The following MCOLN2 variants were observed in gnomAD, a reference collection of about 807,000 sequenced individuals.
The protein encoded by MCOLN2 is mucolipin-2.
Under a neutral mutation model 67.5 loss-of-function variants are expected in MCOLN2, and 57 were observed. The observed-to-expected ratio is 0.84, with a 90% CI of 0.68 to 1.05. MCOLN2 has a LOEUF of 1.05. Among genes scored for constraint, MCOLN2 ranks in the 50% least tolerant of loss-of-function variants. MCOLN2 has a pLI of 0.00. For synonymous variants in MCOLN2, 246 were observed against 233.3 expected (o/e 1.05, Z -0.50); for missense variants, 620 against 678.8 (o/e 0.91, Z 0.96).
chr1:84,994,180 T>C (rs1651036034), intron 1 of MCOLN2, among the ~76,000 whole-genome samples: 1 of 152,204 alleles, frequency 6.6e-6, no homozygotes, highest in African/African-American at 2.4e-5. Context: ...ATCTAGGCTT[T>C]GTTGTTCCAT....
At chr1:84,983,729 T>C (rs1400701322) in intron 1 of MCOLN2, among the ~76,000 whole-genome samples, 2 of 148,786 alleles carry the variant, frequency 1.3e-5, no homozygotes, top group Non-Finnish European at 3.0e-5. Flanking sequence ...CAGGCTGGAG[T>C]GCAATGGTGC....
At chr1:84,996,033 G>A (rs1484040087) in intron 1 of MCOLN2, among the ~76,000 whole-genome samples, 1 of 152,042 alleles carries the variant, frequency 6.6e-6, no homozygotes, top group Non-Finnish European at 1.5e-5. Flanking sequence ...TCACGGCAAC[G>A]GGAGTTTGAC....
intron 1 of MCOLN2, among the ~76,000 whole-genome samples, chr1:84,987,545 G>GATGTATACATCT (rs1557665862): frequency 1.3e-4 from 2 of 15,448 alleles, no homozygotes; most frequent in Non-Finnish European, 2.5e-4. Flanking sequence ...TGTATACATA[G>GATGTATACATCT]ATGTATACAT....
At chr1:84,995,792 T>G (rs1651111997) in intron 1 of MCOLN2, among the ~76,000 whole-genome samples, 1 of 137,886 alleles carries the variant, frequency 7.3e-6, no homozygotes, top group Non-Finnish European at 1.6e-5. Context: ...TTTATATCTA[T>G]TACTCTATTT....
intron 1 of MCOLN2, among the ~76,000 whole-genome samples, chr1:84,985,120 T>A (rs1470233492): frequency 2.0e-5 from 3 of 152,026 alleles, no homozygotes; most frequent in Non-Finnish European, 4.4e-5. Context: ...AGTAAAGCCA[T>A]CTGATGGAAC....
At chr1:84,965,511 G>A (rs114689900) in intron 2 of MCOLN2, 38 bp downstream of exon 2, 126 of 1,599,224 alleles carry the variant, frequency 7.9e-5, no homozygotes, top group Non-Finnish European at 1.0e-4. Context: ...TTGTCTTGTG[G>A]TAAGGGAAAA....
At position 84,996,393 on chromosome 1, in the gene MCOLN2, CATATATATATAT is replaced by C. The variant is rs6143310; in HGVS notation, c.77+391_77+402del. On this transcript the variant is annotated intron_variant, in intron 1 of 13. Transcript: ENST00000370608. ...CACACTTACACATACGTATATATTT[CATATATATATAT>C]ATATATATATATATATATATATATA... is the stretch of plus-strand genomic sequence containing the variant. 3.5e-3 allele frequency among the ~76,000 whole-genome samples: 434 copies of C among 123,934 alleles called. 7 individuals carry two copies. The highest frequency in any genetic ancestry group is 0.012 in the African/African-American group (350 of 28,914). 81.3% of individuals were successfully genotyped at this position (123,934 alleles called of 152,430 possible).
intron 2 of MCOLN2, 29 bp downstream of exon 2, chr1:84,965,520 A>G: frequency 6.2e-7 from 1 of 1,605,328 alleles, no homozygotes; most frequent in South Asian, 1.1e-5. Flanking sequence ...GGTAAGGGAA[A>G]AACCAAATGA....
chr1:84,987,391 T>C (rs1479789958), intron 1 of MCOLN2, among the ~76,000 whole-genome samples: 1 of 140,386 alleles, frequency 7.1e-6, no homozygotes, highest in Non-Finnish European at 1.5e-5. Context: ...GATATATACA[T>C]ATGTATATAG....
chr1:84,947,280 T>C (rs1648165411), intron 6 of MCOLN2, 148 bp from the exon 7 acceptor site: 4 of 594,064 alleles, frequency 6.7e-6, no homozygotes, highest in Non-Finnish European at 1.2e-5. Flanking sequence ...CTAGAATTAC[T>C]TGACACTCAT....
Position 84,952,263 on chromosome 1 carries a change from A to G in MCOLN2, c.727T>C (p.Cys243Arg). The change falls in exon 6 of 14, where the codon TGT (cysteine) becomes CGT (arginine). Residue 243 changes from cysteine to arginine, a missense_variant. Physicochemically the swap from Cys to Arg is radical, Grantham distance 180. Coordinates refer to ENST00000370608, the MANE Select transcript of MCOLN2 (RefSeq NM_153259.4). ...CTTGCCGTATTCTGAAAGACATAAC[A>G]GTCTGGTAACTCACGGGAATGAATT... ...QTIHSRELPD[C>R]YVFQNTIIFD... 1 of 1,611,828 alleles carries G rather than the reference A, an allele frequency of 6.2e-7. No homozygotes were observed. Among genetic ancestry groups the G allele is most frequent in the Non-Finnish European group, 8.5e-7 (1 of 1,178,774 alleles).
In MCOLN2 at chr1:84,931,367, T is replaced by C. The variant is rs138932938; in HGVS notation, c.1537A>G (p.Ile513Val). The change falls in exon 12 of 14, where the codon ATT (isoleucine) becomes GTT (valine). Residue 513 changes from isoleucine (I) to valine (V), a missense_variant. Transcript: ENST00000370608. ...AAATTTTGATAATTACTTACCTTAATGGTGTCATAAGAATCTGTAATAAGT... is the reference window on the plus strand; with the variant it reads ...AAATTTTGATAATTACTTACCTTAACGGTGTCATAAGAATCTGTAATAAGT... Reference protein sequence around the residue: ...IALITDSYDTIKKFQQNGFPE... With the variant: ...IALITDSYDTVKKFQQNGFPE... The C allele has an allele frequency of 1.3e-6, 2 of 1,534,230 alleles. No individual in the cohort carries two copies. Among genetic ancestry groups the C allele is most frequent in the African/African-American group, 2.7e-5 (2 of 73,190 alleles).
chr1:84,931,559 G>T lies in MCOLN2; in HGVS notation c.1345C>A (p.Leu449Met), dbSNP rs748353860. 19 of 1,613,490 alleles carry T rather than the reference G, an allele frequency of 1.2e-5. No homozygotes were observed. The African/African-American group carries it at 2.5e-4, about 22-fold the overall frequency. Reference sequence around the variant, plus strand: ...AACAGACACTCAGCAACTGTGTTCAGATTTTCAAACTGTAGGGGGAAATAA... The same window carrying T: ...AACAGACACTCAGCAACTGTGTTCATATTTTCAAACTGTAGGGGGAAATAA... Reference protein sequence around the residue: ...LGPYHDKFENLNTVAECLFSL... With the variant: ...LGPYHDKFENMNTVAECLFSL... Residue 449 changes from leucine to methionine, a missense_variant, in exon 12 of 14, where the codon CTG (leucine) becomes ATG (methionine). Coordinates refer to ENST00000370608, the MANE Select transcript of MCOLN2 (RefSeq NM_153259.4).
chr1:84,940,855 A>C (rs1315479433), intron 8 of MCOLN2, 24 bp downstream of exon 8: 1 of 1,537,404 alleles, frequency 6.5e-7, no homozygotes, highest in Non-Finnish European at 9.0e-7. Flanking sequence ...AGAGGGCAGG[A>C]AGAGAATGCG....
intron 4 of MCOLN2, 81 bp downstream of exon 4, chr1:84,956,350 T>C (rs1570988541): frequency 2.8e-6 from 4 of 1,438,664 alleles, no homozygotes; most frequent in South Asian, 1.2e-5. Flanking sequence ...AGTTTTTCCA[T>C]CTGGGTTGCT....
At chr1:84,984,959 G>A (rs1354593554) in intron 1 of MCOLN2, among the ~76,000 whole-genome samples, 1 of 152,116 alleles carries the variant, frequency 6.6e-6, no homozygotes, top group Non-Finnish European at 1.5e-5. Flanking sequence ...TCACACCAGT[G>A]TACTCCAGTC....
At chr1:84,935,628 C>A (rs184210645) in intron 11 of MCOLN2, among the ~76,000 whole-genome samples, 1 of 152,160 alleles carries the variant, frequency 6.6e-6, no homozygotes, top group Non-Finnish European at 1.5e-5. Context: ...GTATATTAGG[C>A]TTAAAATATA....
chr1:84,989,832 T>C (rs1449874013), intron 1 of MCOLN2, among the ~76,000 whole-genome samples: 2 of 152,118 alleles, frequency 1.3e-5, no homozygotes, highest in East Asian at 1.9e-4. Context: ...TCCAATGTAA[T>C]AGGCAATGAA....
intron 1 of MCOLN2, among the ~76,000 whole-genome samples, chr1:84,993,325 T>C (rs541676328): frequency 1.6e-4 from 25 of 152,348 alleles, no homozygotes; most frequent in African/African-American, 5.5e-4. Context: ...AAAGTAATTG[T>C]GTTTTTTTGC....
Sources: allele counts gnomAD v4.1 joint callset (sites outside exome capture counted in the v4.1 genomes callset), GRCh38; gene constraint gnomAD v4.1.1; transcripts MANE v1.5; gene names NCBI Gene and HGNC (gene_info 2026-07-23, HGNC 2026-07-21).